The following PPM1E variants were observed in gnomAD, a reference collection of about 807,000 sequenced individuals.
PPM1E encodes protein phosphatase, Mg2+/Mn2+ dependent 1E.
In PPM1E, 20 loss-of-function variants were observed where a neutral mutation model predicts 65.9. The ratio of observed to expected loss-of-function variants is 0.30; its 90% CI spans 0.21 to 0.44. The LOEUF is 0.44. Among genes scored for constraint, PPM1E ranks in the 20% least tolerant of loss-of-function variants. The pLI, the probability that PPM1E is intolerant of heterozygous loss-of-function variation, is 1.00. For synonymous variants in PPM1E, 352 were observed against 374.9 expected (o/e 0.94, Z 0.70); for missense variants, 713 against 953.1 (o/e 0.75, Z 3.32).
intron 1 of PPM1E, among the ~76,000 whole-genome samples, chr17:58,824,127 G>T (rs2050508058): frequency 1.3e-5 from 2 of 152,058 alleles, no homozygotes; most frequent in Admixed American, 1.3e-4. Flanking sequence ...TTAGAGAAAG[G>T]GTTGGAGAAA....
intron 1 of PPM1E, among the ~76,000 whole-genome samples, chr17:58,766,323 T>A (rs1158591566): frequency 2.7e-5 from 4 of 145,996 alleles, no homozygotes; most frequent in Non-Finnish European, 4.5e-5. Context: ...TGACTCAGCC[T>A]CCTGAGTAGC....
chr17:58,773,699 A>C (rs1189124710), intron 1 of PPM1E, among the ~76,000 whole-genome samples: 1 of 152,186 alleles, frequency 6.6e-6, no homozygotes. Context: ...AAAACATAGC[A>C]CATATATTAT....
intron 1 of PPM1E, among the ~76,000 whole-genome samples, chr17:58,953,904 C>T (rs1255747234): frequency 8.5e-5 from 13 of 152,252 alleles, no homozygotes; most frequent in Middle Eastern, 3.4e-3. Flanking sequence ...TGTACCACCA[C>T]GCCCAGCTAA....
chr17:58,968,402 G>A lies in PPM1E; in HGVS notation c.784-1137G>A, dbSNP rs375397381. ...ATCATGCCACTGTACCCTAGCCTGG[G>A]TGTCAAAGTGAGACGCTGACTCCAA... On this transcript the variant is annotated intron_variant, in intron 3 of 6. Transcript: ENST00000308249. 7.2e-5 allele frequency among the ~76,000 whole-genome samples: 11 copies of A among 152,250 alleles called. No individual in the cohort carries two copies. In the South Asian group the frequency reaches 2.3e-3, roughly 32 times the overall value.
At chr17:58,819,449 C>T (rs151006439) in intron 1 of PPM1E, among the ~76,000 whole-genome samples, 6 of 152,162 alleles carry the variant, frequency 3.9e-5, no homozygotes, top group Admixed American at 1.3e-4. Flanking sequence ...GTGGCCGGCC[C>T]GCCATAGCCA....
intron 1 of PPM1E, among the ~76,000 whole-genome samples, chr17:58,919,038 A>G (rs2051719016): frequency 6.6e-6 from 1 of 152,142 alleles, no homozygotes. Flanking sequence ...TCTGTACTGA[A>G]CCATAAATGG....
rs528943584 is a variant in PPM1E at position 58,959,172 on chromosome 17, G to A, written c.583+3405G>A. 2.0e-5 allele frequency among the ~76,000 whole-genome samples: 3 copies of A among 152,002 alleles called. No individual in the cohort carries two copies. The East Asian group carries it at 5.8e-4, about 29-fold the overall frequency. On this transcript the variant is annotated intron_variant, in intron 2 of 6. Coordinates refer to ENST00000308249, the MANE Select transcript of PPM1E (RefSeq NM_014906.5). Reference sequence around the variant, plus strand: ...AAAAATACAAAAATTAGCCGGGTGTGGTGGCGTACACCTGTAGTCCCAGCT... The same window carrying A: ...AAAAATACAAAAATTAGCCGGGTGTAGTGGCGTACACCTGTAGTCCCAGCT...
At chr17:58,962,002 T>C (rs2030044352) in intron 2 of PPM1E, among the ~76,000 whole-genome samples, 1 of 152,006 alleles carries the variant, frequency 6.6e-6, no homozygotes, top group East Asian at 1.9e-4. Context: ...TAAATAACCA[T>C]GGCCGGGCGT....
At chr17:58,774,118 C>T (rs575753438) in intron 1 of PPM1E, among the ~76,000 whole-genome samples, 3 of 151,770 alleles carry the variant, frequency 2.0e-5, no homozygotes, top group African/African-American at 4.8e-5. Context: ...GCTGAGATCG[C>T]GCCATTGCAC....
At chr17:58,890,842 ATT>A (rs540197355) in intron 1 of PPM1E, among the ~76,000 whole-genome samples, 27 of 152,138 alleles carry the variant, frequency 1.8e-4, no homozygotes, top group Admixed American at 5.2e-4. Context: ...TATTTTTCAC[ATT>A]TTGTGTTAAT....
At position 58,980,449 on chromosome 17, in the gene PPM1E, C is replaced by T. The variant is rs780978666; in HGVS notation, c.1686C>T (p.Asn562=). 5.6e-6 allele frequency: 9 copies of T among 1,614,000 alleles called. No homozygotes were observed. The highest frequency in any genetic ancestry group is 2.7e-5 in the African/African-American group (2 of 74,910). ...RTSLSPGSQI[N]VLEDPGYLDL... is the part of the protein sequence containing the mutation. ...GCCTGAGCCCAGGGTCCCAAATCAACGTGCTGGAAGACCCAGGCTACCTAG... is the reference window on the plus strand; with the variant it reads ...GCCTGAGCCCAGGGTCCCAAATCAATGTGCTGGAAGACCCAGGCTACCTAG... The change falls in exon 7 of 7, where the codon AAC becomes AAT. Residue 562 remains asparagine (N), a synonymous_variant. Coordinates refer to ENST00000308249, the MANE Select transcript of PPM1E (RefSeq NM_014906.5). The surrounding 1 kb of genome is among the most constrained non-coding windows in gnomAD (Gnocchi z 4.7).
chr17:58,898,185 G>A (rs1323860952), intron 1 of PPM1E, among the ~76,000 whole-genome samples: 1 of 151,666 alleles, frequency 6.6e-6, no homozygotes, highest in African/African-American at 2.4e-5. Flanking sequence ...CTGGGAGGCA[G>A]AGGTTGCAGT....
chr17:58,905,513 G>T (rs2051548268), intron 1 of PPM1E, among the ~76,000 whole-genome samples: 1 of 151,962 alleles, frequency 6.6e-6, no homozygotes, highest in Non-Finnish European at 1.5e-5. Flanking sequence ...TACATTAATT[G>T]ATTTTTAATG....
At position 58,904,043 on chromosome 17, in the gene PPM1E, A is replaced by C. The variant is rs145316122; in HGVS notation, c.465-51606A>C. On this transcript the variant is annotated intron_variant, in intron 1 of 6. Transcript: ENST00000308249. ...GAGCCAGAAATTATTATTGAGATCT[A>C]TACTATTCTGAAAGCTGAGATAGAG... is the stretch of plus-strand genomic sequence containing the variant. Among the ~76,000 whole-genome samples, 688 of 152,308 alleles carry C rather than the reference A, an allele frequency of 4.5e-3. 5 individuals are homozygous for C. The highest frequency in any genetic ancestry group is 5.6e-3 in the Non-Finnish European group (382 of 68,010).
chr17:58,931,109 G>A (rs1006142847), intron 1 of PPM1E, among the ~76,000 whole-genome samples: 17 of 149,144 alleles, frequency 1.1e-4, no homozygotes, highest in African/African-American at 3.9e-4. Flanking sequence ...GAAAAAAGCC[G>A]GGCGCGGTGG....
intron 1 of PPM1E, among the ~76,000 whole-genome samples, chr17:58,819,328 T>C (rs1372124302): frequency 6.6e-6 from 1 of 152,144 alleles, no homozygotes; most frequent in Non-Finnish European, 1.5e-5. Context: ...TTTGTATTTT[T>C]AGTAGACACG....
At chr17:58,772,314 GGTGTGGTGGC>G (rs1229668049) in intron 1 of PPM1E, among the ~76,000 whole-genome samples, 2 of 152,054 alleles carry the variant, frequency 1.3e-5, no homozygotes, top group Admixed American at 6.6e-5. Context: ...AAATTAGCCA[GGTGTGGTGGC>G]GTGCGCCTGT....
chr17:58,887,855 A>G (rs1286789050), intron 1 of PPM1E, among the ~76,000 whole-genome samples: 2 of 152,200 alleles, frequency 1.3e-5, no homozygotes, highest in East Asian at 1.9e-4. Context: ...AAAAGGGGAA[A>G]GAATTAGTAG....
chr17:58,891,749 G>A (rs2051348039), intron 1 of PPM1E, among the ~76,000 whole-genome samples: 1 of 151,514 alleles, frequency 6.6e-6, no homozygotes, highest in South Asian at 2.1e-4. Context: ...TTTTCCTTTG[G>A]ATGAAGCTGC....
Sources: allele counts gnomAD v4.1 joint callset (sites outside exome capture counted in the v4.1 genomes callset), GRCh38; gene constraint gnomAD v4.1.1; non-coding constraint Gnocchi (gnomAD v3.1); transcripts MANE v1.5; gene names NCBI Gene and HGNC (gene_info 2026-07-23, HGNC 2026-07-21).